The following STARD13 variants were observed in gnomAD, a reference collection of about 807,000 sequenced individuals.
The protein encoded by STARD13 is stAR-related lipid transfer protein 13.
Under a neutral mutation model 106.4 loss-of-function variants are expected in STARD13, and 62 were observed. The observed-to-expected ratio is 0.58, with a 90% confidence interval of 0.48 to 0.72. The LOEUF is 0.72. STARD13 is among the 30% of genes least tolerant of loss of function. The pLI is 0.00. For synonymous variants in STARD13, 565 were observed against 553.0 expected (o/e 1.02, Z -0.31); for missense variants, 1,387 against 1,424.0 (o/e 0.97, Z 0.42).
chr13:33,380,148 A>C, the STARD13 span, among the ~76,000 whole-genome samples: 1 of 152,122 alleles, frequency 6.6e-6, no homozygotes, highest in Admixed American at 6.6e-5. Context: ...CATTTTGGGA[A>C]GCTGAGGTGG....
chr13:33,657,599 GA>G, the STARD13 span: 1 of 152,238 alleles, frequency 6.6e-6, no homozygotes, highest in African/African-American at 2.4e-5. Context: ...GAATTATAGA[GA>G]AACGGATGTA....
the STARD13 span, among the ~76,000 whole-genome samples, chr13:33,360,726 A>ATTCCTTCTGTGTAGACAGGATT: frequency 4.5e-5 from 6 of 134,636 alleles, no homozygotes; most frequent in Admixed American, 2.9e-4. Context: ...AGACAGAAGG[A>ATTCCTTCTGTGTAGACAGGATT]CATATTGTTG....
chr13:33,476,933 T>C, the STARD13 span, among the ~76,000 whole-genome samples: 1 of 152,184 alleles, frequency 6.6e-6, no homozygotes, highest in South Asian at 2.1e-4. Flanking sequence ...AATGAATTGC[T>C]TTCGTGAGAC....
intron 1 of STARD13, among the ~76,000 whole-genome samples, chr13:33,298,121 G>GTTTTT (rs71071090): frequency 1.9e-5 from 1 of 51,914 alleles, no homozygotes; most frequent in African/African-American, 7.4e-5. Flanking sequence ...CCCATCTACA[G>GTTTTT]TTTTTTTTTT....
chr13:33,188,294 T>C (rs1277822266), intron 1 of STARD13: 1 of 152,192 alleles, frequency 6.6e-6, no homozygotes, highest in East Asian at 1.9e-4. Flanking sequence ...GTTACCATGA[T>C]AAACACTTTA....
intron 1 of STARD13, among the ~76,000 whole-genome samples, chr13:33,185,501 C>G (rs1239242401): frequency 6.6e-6 from 1 of 152,090 alleles, no homozygotes; most frequent in Non-Finnish European, 1.5e-5. Flanking sequence ...AAGAAAAATC[C>G]AAATTTCCGA....
In STARD13 at chr13:33,146,934, C is replaced by T. The variant is rs555505502; in HGVS notation, c.324-4561G>A. ...GCTGTGAAAACTAGTAGCCTTGCAT[C>T]CACTGGAGAGGGAAGAACATGTTTG... On this transcript the variant is annotated intron_variant, in intron 3 of 13. Coordinates refer to ENST00000336934, the MANE Select transcript of STARD13 (RefSeq NM_178006.4). 5.3e-5 allele frequency among the ~76,000 whole-genome samples: 8 copies of T among 152,310 alleles called. No individual in the cohort carries two copies. In the South Asian group the frequency reaches 1.7e-3, roughly 32 times the overall value.
the STARD13 span, among the ~76,000 whole-genome samples, chr13:33,400,590 T>A: frequency 0.22 from 33,644 of 151,878 alleles, 5,653 homozygotes; most frequent in East Asian, 0.47. Flanking sequence ...CCTCCCGGGT[T>A]GCTGGGACTA....
At chr13:33,149,014 G>A (rs568906431) in intron 3 of STARD13, among the ~76,000 whole-genome samples, 1 of 152,308 alleles carries the variant, frequency 6.6e-6, no homozygotes, top group East Asian at 1.9e-4. Flanking sequence ...AGGCAAAACT[G>A]TGGAGATAGT....
the STARD13 span, among the ~76,000 whole-genome samples, chr13:33,523,698 T>C: frequency 6.6e-6 from 1 of 152,136 alleles, no homozygotes; most frequent in South Asian, 2.1e-4. Context: ...ATTAAAAATA[T>C]ACCCCAAAAT....
the STARD13 span, among the ~76,000 whole-genome samples, chr13:33,658,795 G>A: frequency 6.6e-6 from 1 of 152,200 alleles, no homozygotes; most frequent in East Asian, 1.9e-4. Context: ...AAAGACTAAG[G>A]CATGATTAGA....
chr13:33,585,090 C>G, the STARD13 span, among the ~76,000 whole-genome samples: 1 of 152,122 alleles, frequency 6.6e-6, no homozygotes, highest in Non-Finnish European at 1.5e-5. Flanking sequence ...TGAACTAATA[C>G]AGAGGGCTAC....
At chr13:33,575,464 GTTT>G in the STARD13 span, among the ~76,000 whole-genome samples, 2 of 152,254 alleles carry the variant, frequency 1.3e-5, no homozygotes, top group East Asian at 1.9e-4. Flanking sequence ...GGATATGGTT[GTTT>G]TCACCAAAAC....
chr13:33,364,882 C>A, the STARD13 span, among the ~76,000 whole-genome samples: 1 of 148,244 alleles, frequency 6.7e-6, no homozygotes, highest in Non-Finnish European at 1.5e-5. Context: ...GAGCGAGACT[C>A]CGTCTCAAAA....
chr13:33,193,475 G>T (rs1011411041), intron 1 of STARD13, among the ~76,000 whole-genome samples: 2 of 152,176 alleles, frequency 1.3e-5, no homozygotes, highest in Non-Finnish European at 2.9e-5. Context: ...AACACAACTC[G>T]AGGCTCTTTA....
At chr13:33,558,451 C>T in the STARD13 span, among the ~76,000 whole-genome samples, 2 of 152,006 alleles carry the variant, frequency 1.3e-5, no homozygotes, top group East Asian at 1.9e-4. Flanking sequence ...TAAAATATGG[C>T]CCTGTTGGTA....
At chr13:33,609,292 G>A in the STARD13 span, among the ~76,000 whole-genome samples, 3 of 151,914 alleles carry the variant, frequency 2.0e-5, no homozygotes, top group Non-Finnish European at 2.9e-5. Context: ...ATGTAAATAC[G>A]CAGCTTAAGC....
At chr13:33,330,160 G>A (rs2077820870) in intron 1 of STARD13, among the ~76,000 whole-genome samples, 1 of 152,146 alleles carries the variant, frequency 6.6e-6, no homozygotes, top group African/African-American at 2.4e-5. Flanking sequence ...AATTTTGGGG[G>A]AACCTTCCTA....
chr13:33,554,251 AT>A, the STARD13 span, among the ~76,000 whole-genome samples: 2 of 152,210 alleles, frequency 1.3e-5, no homozygotes, highest in Non-Finnish European at 2.9e-5. Context: ...ATGTATCAAA[AT>A]AATCTGGCCC....
Sources: gnomAD v4.1 joint callset for allele counts (sites outside exome capture counted in the v4.1 genomes callset) on GRCh38, gnomAD v4.1.1 for gene constraint, MANE v1.5 for transcripts, NCBI Gene and HGNC (gene_info 2026-07-23, HGNC 2026-07-21) for gene names.